The following GRK5 variants were observed in gnomAD, a reference collection of about 807,000 sequenced individuals.
GRK5 encodes the protein g protein-coupled receptor kinase GRK5.
Under a neutral mutation model 78.4 loss-of-function variants are expected in GRK5, and 40 were observed. The observed-to-expected ratio is 0.51, with a 90% CI of 0.40 to 0.66. The LOEUF (loss-of-function observed/expected upper bound fraction) is 0.66, where lower values mean the gene tolerates loss of function less well. Among genes scored for constraint, GRK5 ranks in the 30% least tolerant of loss-of-function variants. GRK5 has a pLI of 0.00. For synonymous variants in GRK5, 289 were observed against 296.8 expected, an observed-to-expected ratio of 0.97 and a Z score of 0.27; for missense variants, 598 against 759.9, an observed-to-expected ratio of 0.79 and a Z score of 2.50.
intron 1 of GRK5, among the ~76,000 whole-genome samples, chr10:119,251,757 G>A (rs563892241): frequency 1.1e-3 from 169 of 152,324 alleles, no homozygotes; most frequent in African/African-American, 3.9e-3. Context: ...CGGCCTGTGC[G>A]TTGGATGATG....
intron 6 of GRK5, among the ~76,000 whole-genome samples, chr10:119,428,600 T>C (rs1852749796): frequency 6.6e-6 from 1 of 151,974 alleles, no homozygotes; most frequent in African/African-American, 2.4e-5. Context: ...CCCAAGTCCT[T>C]GGGCCTTGGT....
In GRK5 at chr10:119,430,649, AG is replaced by A. The variant is rs1852797996; in HGVS notation, c.597+213del. Among the ~76,000 whole-genome samples the A allele has an allele frequency of 3.3e-5, 5 of 152,002 alleles. No homozygotes were observed. ...GTGGAAAGAGGTTGTGGAGCTGGGC[AG>A]GTGAGACAGACGTGCTCTCCTGCCA... On this transcript the variant is annotated intron_variant, in intron 7 of 15. Coordinates refer to ENST00000392870, the MANE Select transcript of GRK5 (RefSeq NM_005308.3). The surrounding 1 kb of genome is among the most constrained non-coding windows in gnomAD (Gnocchi z 4.5).
At chr10:119,374,973 G>A (rs1401289917) in intron 2 of GRK5, among the ~76,000 whole-genome samples, 1 of 152,192 alleles carries the variant, frequency 6.6e-6, no homozygotes, top group East Asian at 1.9e-4. Context: ...AATTAAACGT[G>A]TTTTCTAATA....
chr10:119,244,237 A>G (rs879932560), intron 1 of GRK5, among the ~76,000 whole-genome samples: 1 of 152,290 alleles, frequency 6.6e-6, no homozygotes, highest in African/African-American at 2.4e-5. Context: ...TTATCTTGCC[A>G]TCCCCTTGAT....
chr10:119,442,496 T>C (rs1853057878), intron 11 of GRK5, among the ~76,000 whole-genome samples: 1 of 152,172 alleles, frequency 6.6e-6, no homozygotes, highest in South Asian at 2.1e-4. Flanking sequence ...TCACCAAGCA[T>C]GATTCCAGTA....
At chr10:119,285,731 A>G (rs1328173624) in intron 1 of GRK5, among the ~76,000 whole-genome samples, 1 of 152,176 alleles carries the variant, frequency 6.6e-6, no homozygotes, top group Admixed American at 6.5e-5. Context: ...AACTTTTAAC[A>G]ACAACAGTAA....
intron 4 of GRK5, among the ~76,000 whole-genome samples, chr10:119,409,041 A>T (rs938234917): frequency 1.3e-5 from 2 of 152,136 alleles, no homozygotes; most frequent in Admixed American, 6.5e-5. Flanking sequence ...AAGGCCGGGG[A>T]ATGAGCAAGC....
At chr10:119,243,883 G>A (rs775225330) in intron 1 of GRK5, among the ~76,000 whole-genome samples, 1 of 152,198 alleles carries the variant, frequency 6.6e-6, no homozygotes, top group South Asian at 2.1e-4. Context: ...AGTGGTAGGA[G>A]CCTAGATTTT....
intron 2 of GRK5, among the ~76,000 whole-genome samples, chr10:119,348,813 C>T (rs1035304109): frequency 3.3e-5 from 5 of 152,290 alleles, no homozygotes; most frequent in East Asian, 1.9e-4. Context: ...AGGAGGCCAG[C>T]GCTGTTGCTT....
At position 119,213,342 on chromosome 10, in the gene GRK5, C is replaced by G. The variant is rs1297803422; in HGVS notation, c.52+5373C>G. 5.3e-5 allele frequency among the ~76,000 whole-genome samples: 8 copies of G among 152,076 alleles called. 1 individual carries two copies. Among genetic ancestry groups the G allele is most frequent in the Admixed American group, 3.3e-4 (5 of 15,274 alleles). On this transcript the variant is annotated intron_variant, in intron 1 of 15. Transcript: ENST00000392870. ...CCTGGCCAACATGGTGAAATCCTGT[C>G]TCTACTAAAAATACAAAAATCAGCG...
rs1035110377 is a variant in GRK5 at position 119,217,582 on chromosome 10, C to T, written c.52+9613C>T. Among the ~76,000 whole-genome samples, 1 of 152,202 alleles carries T rather than the reference C, an allele frequency of 6.6e-6. No homozygotes were observed. Among genetic ancestry groups the T allele is most frequent in the Non-Finnish European group, 1.5e-5 (1 of 68,032 alleles). ...TCCCCTCAGCATGGCTAGTGGCCAACGAATTGCCCCCAAGGGACTGGATGT... is the reference window on the plus strand; with the variant it reads ...TCCCCTCAGCATGGCTAGTGGCCAATGAATTGCCCCCAAGGGACTGGATGT... On this transcript the variant is annotated intron_variant, in intron 1 of 15. Transcript: ENST00000392870. This position sits in a 1 kb window ranked among gnomAD's most constrained non-coding sequence, Gnocchi z 4.1.
intron 2 of GRK5, among the ~76,000 whole-genome samples, chr10:119,368,531 G>A (rs1851489501): frequency 6.6e-6 from 1 of 152,200 alleles, no homozygotes; most frequent in African/African-American, 2.4e-5. Flanking sequence ...GAAATGGGAG[G>A]CATTTAAGCC....
At chr10:119,392,548 A>T (rs1357813574) in intron 3 of GRK5, among the ~76,000 whole-genome samples, 2 of 152,134 alleles carry the variant, frequency 1.3e-5, no homozygotes, top group African/African-American at 4.8e-5. Context: ...GATTACAGGC[A>T]CCTGCCACCA....
At position 119,452,884 on chromosome 10, in the gene GRK5, T is replaced by C; in HGVS notation, c.1542+76T>C. ...CGGGTGGAAGGAGGCGTCGGGAATATGAGTTTGGCGGCAGGAGGCTGAGCG... is the reference window on the plus strand; with the variant it reads ...CGGGTGGAAGGAGGCGTCGGGAATACGAGTTTGGCGGCAGGAGGCTGAGCG... On this transcript the variant is annotated intron_variant, in intron 14 of 15. Transcript: ENST00000392870. The surrounding 1 kb of genome is among the most constrained non-coding windows in gnomAD (Gnocchi z 4.4). 1.3e-6 allele frequency: 2 copies of C among 1,490,674 alleles called. No homozygotes were observed. Among genetic ancestry groups the C allele is most frequent in the Non-Finnish European group, 1.8e-6 (2 of 1,082,518 alleles). 92.3% of individuals were successfully genotyped at this position (1,490,674 alleles called of 1,614,324 possible). A position where few individuals can be genotyped will look rare whatever the true frequency, so the allele number is the denominator to read the frequency against.
intron 1 of GRK5, among the ~76,000 whole-genome samples, chr10:119,319,112 T>C (rs1850541126): frequency 6.6e-6 from 1 of 152,158 alleles, no homozygotes; most frequent in African/African-American, 2.4e-5. Flanking sequence ...CCCTCCTTTG[T>C]TGGCCACTCT....
intron 4 of GRK5, among the ~76,000 whole-genome samples, chr10:119,418,094 C>T (rs942734223): frequency 1.1e-4 from 17 of 152,296 alleles, no homozygotes; most frequent in Non-Finnish European, 1.6e-4. Context: ...CCGATCTGCC[C>T]GCTGGAATAG....
chr10:119,218,431 G>A (rs1454664720), intron 1 of GRK5, among the ~76,000 whole-genome samples: 12 of 152,170 alleles, frequency 7.9e-5, no homozygotes, highest in Admixed American at 7.9e-4. Context: ...TTTGAAAATG[G>A]AATTCCATCC....
chr10:119,268,097 G>A (rs969219871), intron 1 of GRK5, among the ~76,000 whole-genome samples: 27 of 152,190 alleles, frequency 1.8e-4, no homozygotes, highest in Non-Finnish European at 3.7e-4. Flanking sequence ...GGCACTCACT[G>A]TCTCTGTTGT....
At chr10:119,227,410 T>TA (rs1441917872) in intron 1 of GRK5, among the ~76,000 whole-genome samples, 1 of 151,952 alleles carries the variant, frequency 6.6e-6, no homozygotes, top group Non-Finnish European at 1.5e-5. Flanking sequence ...CTACTAAAAA[T>TA]ACAAAAATTA....
Sources: allele counts gnomAD v4.1 joint callset (sites outside exome capture counted in the v4.1 genomes callset), GRCh38; gene constraint gnomAD v4.1.1; non-coding constraint Gnocchi (gnomAD v3.1); transcripts MANE v1.5; gene names NCBI Gene and HGNC (gene_info 2026-07-23, HGNC 2026-07-21).